Variants in EFR3A observed in about 807,000 individuals in gnomAD.
The protein encoded by EFR3A is EFR3 homolog A, also known as protein EFR3 homolog A.
Under a neutral mutation model 104.4 loss-of-function variants are expected in EFR3A, and 76 were observed. That is an observed-to-expected ratio of 0.73 (90% confidence interval 0.60 to 0.88). EFR3A has a LOEUF of 0.88. EFR3A is among the 40% of genes least tolerant of loss of function. The pLI is 0.00. For missense variants in EFR3A, 985 were observed against 1,012.5 expected (o/e 0.97, Z 0.37); for synonymous variants, 330 against 330.0 (o/e 1.00, Z 0.00).
At chr8:131,991,058 T>G (rs2012653) in intron 18 of EFR3A, among the ~76,000 whole-genome samples, 35,775 of 151,786 alleles carry the variant, frequency 0.24, 4,351 homozygotes, top group Admixed American at 0.3. Flanking sequence ...AAGAAAGAGG[T>G]TTAATTAGAC....
At chr8:131,929,043 A>G (rs1009591176) in intron 1 of EFR3A, among the ~76,000 whole-genome samples, 1 of 152,096 alleles carries the variant, frequency 6.6e-6, no homozygotes, top group African/African-American at 2.4e-5. Flanking sequence ...TGCTTTTGCT[A>G]TCACTTAAAT....
At chr8:131,975,039 A>C (rs949783209) in intron 10 of EFR3A, among the ~76,000 whole-genome samples, 10 of 152,348 alleles carry the variant, frequency 6.6e-5, no homozygotes, top group Non-Finnish European at 1.2e-4. Flanking sequence ...AAGTGTGAGT[A>C]ATTGATAATT....
intron 11 of EFR3A, among the ~76,000 whole-genome samples, 162 bp from the exon 12 acceptor site, chr8:131,976,879 G>A (rs1056155554): frequency 1.2e-4 from 19 of 152,034 alleles, no homozygotes; most frequent in African/African-American, 3.1e-4. Context: ...TTTAATTCAC[G>A]TGAAATTTTA....
chr8:131,958,369 G>T (rs1472902675), intron 7 of EFR3A, among the ~76,000 whole-genome samples: 1 of 152,082 alleles, frequency 6.6e-6, no homozygotes, highest in African/African-American at 2.4e-5. Flanking sequence ...TTTGTTTTCT[G>T]CATTTTGTTC....
rs576721688 is a variant in EFR3A at position 131,924,686 on chromosome 8, T to C, written c.11-15813T>C. On this transcript the variant is annotated intron_variant, in intron 1 of 22. Coordinates refer to ENST00000254624, the MANE Select transcript of EFR3A (RefSeq NM_015137.6). Reference sequence around the variant, plus strand: ...CTTTCTTCAAAGGCTAGCTCAAAGCTCAGATTTCTTGAAAGGAGAAACTTG... The same window carrying C: ...CTTTCTTCAAAGGCTAGCTCAAAGCCCAGATTTCTTGAAAGGAGAAACTTG... Among the ~76,000 whole-genome samples, 3 of 152,222 alleles carry C rather than the reference T, an allele frequency of 2.0e-5. No individual in the cohort carries two copies. The East Asian group carries it at 5.8e-4, about 29-fold the overall frequency.
chr8:131,993,719 A>T (rs934690595), intron 18 of EFR3A, among the ~76,000 whole-genome samples: 5 of 151,936 alleles, frequency 3.3e-5, no homozygotes, highest in Non-Finnish European at 7.4e-5. Context: ...AAAAAAAAAA[A>T]TACCCCATCT....
At chr8:131,905,571 A>C (rs1208912103) in intron 1 of EFR3A, among the ~76,000 whole-genome samples, 1 of 152,150 alleles carries the variant, frequency 6.6e-6, no homozygotes, top group Non-Finnish European at 1.5e-5. Flanking sequence ...TTTTCTTCAC[A>C]CACTACTGTG....
chr8:131,927,807 A>C lies in EFR3A; in HGVS notation c.11-12692A>C, dbSNP rs577102226. ...TATCGTTTATTATTTTAGAAAAAAA[A>C]CCAAAAAGTTAAAAAGTGAGAGTAT... On this transcript the variant is annotated intron_variant, in intron 1 of 22. Transcript: ENST00000254624. Among the ~76,000 whole-genome samples the C allele has an allele frequency of 1.9e-3, 294 of 152,232 alleles. 2 individuals are homozygous for C. Among genetic ancestry groups the C allele is most frequent in the African/African-American group, 6.8e-3 (282 of 41,532 alleles).
At chr8:131,931,270 C>T (rs947673526) in intron 1 of EFR3A, among the ~76,000 whole-genome samples, 3 of 152,000 alleles carry the variant, frequency 2.0e-5, no homozygotes, top group African/African-American at 7.2e-5. Flanking sequence ...TGTATTTATT[C>T]CAAGGCAACC....
intron 4 of EFR3A, among the ~76,000 whole-genome samples, chr8:131,949,221 A>G (rs1818583515): frequency 6.6e-6 from 1 of 152,122 alleles, no homozygotes; most frequent in Admixed American, 6.5e-5. Flanking sequence ...ATAATACAGT[A>G]TATGCTAGAT....
intron 18 of EFR3A, among the ~76,000 whole-genome samples, chr8:131,995,175 G>A (rs1271138262): frequency 6.6e-6 from 1 of 152,144 alleles, no homozygotes; most frequent in Non-Finnish European, 1.5e-5. Context: ...AGAGCTTCTT[G>A]AGAATTACCA....
At chr8:131,908,060 T>G (rs977183667) in intron 1 of EFR3A, among the ~76,000 whole-genome samples, 6 of 151,762 alleles carry the variant, frequency 4.0e-5, no homozygotes, top group African/African-American at 1.5e-4. Flanking sequence ...ATTTGAGGTT[T>G]TTTTTTTTTT....
intron 2 of EFR3A, among the ~76,000 whole-genome samples, chr8:131,942,915 C>A (rs1217088478): frequency 6.6e-5 from 10 of 152,048 alleles, no homozygotes; most frequent in South Asian, 4.1e-4. Context: ...ATGTCAGATG[C>A]ATGCTGATTC....
At chr8:131,969,591 G>A (rs527946777) in intron 9 of EFR3A, among the ~76,000 whole-genome samples, 38 of 148,638 alleles carry the variant, frequency 2.6e-4, no homozygotes, top group Non-Finnish European at 5.2e-4. Flanking sequence ...GGTTGAATCT[G>A]TGAATCCAGA....
intron 10 of EFR3A, among the ~76,000 whole-genome samples, chr8:131,972,853 A>G (rs984943760): frequency 6.6e-6 from 1 of 152,074 alleles, no homozygotes; most frequent in Non-Finnish European, 1.5e-5. Flanking sequence ...GGGATACTTA[A>G]TACAGAGTTT....
At chr8:131,908,519 A>G (rs898946624) in intron 1 of EFR3A, among the ~76,000 whole-genome samples, 2 of 152,244 alleles carry the variant, frequency 1.3e-5, no homozygotes, top group Non-Finnish European at 2.9e-5. Flanking sequence ...TAGGCAGTAT[A>G]CTTTGTGCTT....
intron 10 of EFR3A, among the ~76,000 whole-genome samples, chr8:131,974,986 T>C (rs1820248749): frequency 6.6e-6 from 1 of 152,224 alleles, no homozygotes; most frequent in Non-Finnish European, 1.5e-5. Context: ...CAGCCATGAT[T>C]TGATAGTCTG....
intron 17 of EFR3A, among the ~76,000 whole-genome samples, chr8:131,986,809 GAAT>G (rs1320850366): frequency 1.4e-5 from 2 of 138,142 alleles, no homozygotes; most frequent in Non-Finnish European, 3.2e-5. Flanking sequence ...AAAAAAAAAA[GAAT>G]AAGAAAACTT....
At chr8:131,961,390 T>C (rs10108861) in intron 8 of EFR3A, among the ~76,000 whole-genome samples, 151,076 of 151,948 alleles carry the variant, frequency 0.99, 75,111 homozygotes, top group East Asian at 1. Flanking sequence ...CTGAAAACCA[T>C]GGCACGAGAA....
Sources: allele counts gnomAD v4.1 joint callset (sites outside exome capture counted in the v4.1 genomes callset), GRCh38; gene constraint gnomAD v4.1.1; transcripts MANE v1.5; gene names NCBI Gene and HGNC (gene_info 2026-07-23, HGNC 2026-07-21).